Variants in CNTNAP5 observed in about 807,000 individuals in gnomAD.
The protein encoded by CNTNAP5 is contactin associated protein family member 5.
Under a neutral mutation model 150.2 loss-of-function variants are expected in CNTNAP5, and 72 were observed. The ratio of observed to expected loss-of-function variants is 0.48; its 90% CI spans 0.40 to 0.58. CNTNAP5 has a LOEUF of 0.58. CNTNAP5 is among the 20% of genes least tolerant of loss of function. CNTNAP5 has a pLI of 0.00. For missense variants in CNTNAP5, 1,636 were observed against 1,626.2 expected (o/e 1.01, Z -0.10); for synonymous variants, 672 against 619.8 (o/e 1.08, Z -1.25).
At chr2:124,163,036 G>GTAAC (rs376453269) in intron 1 of CNTNAP5, among the ~76,000 whole-genome samples, 10 of 152,234 alleles carry the variant, frequency 6.6e-5, no homozygotes, top group African/African-American at 2.4e-4. Context: ...AAAATATTAT[G>GTAAC]TAACTGGTAC....
intron 2 of CNTNAP5, 146 bp from the exon 3 acceptor site, chr2:124,242,054 A>T: frequency 1.6e-6 from 1 of 622,386 alleles, no homozygotes; most frequent in South Asian, 2.1e-5. Flanking sequence ...CCAGGGGGTT[A>T]AGTACAGAGG....
intron 13 of CNTNAP5, among the ~76,000 whole-genome samples, chr2:124,691,021 C>T (rs1234315279): frequency 2.0e-5 from 3 of 152,118 alleles, no homozygotes; most frequent in South Asian, 2.1e-4. Flanking sequence ...AAGCCTTCAG[C>T]GTGAAGGCCC....
chr2:124,218,801 T>C (rs1000782691), intron 1 of CNTNAP5, among the ~76,000 whole-genome samples: 6 of 152,290 alleles, frequency 3.9e-5, no homozygotes, highest in South Asian at 2.1e-4. Context: ...CCTGAGAGTC[T>C]GGACTGATAG....
chr2:124,465,471 C>A (rs898746521), intron 6 of CNTNAP5, among the ~76,000 whole-genome samples: 1 of 152,034 alleles, frequency 6.6e-6, no homozygotes, highest in Non-Finnish European at 1.5e-5. Flanking sequence ...AAGAAAGAGA[C>A]CGAATTGCCA....
chr2:124,687,365 G>T (rs770857139), intron 13 of CNTNAP5, among the ~76,000 whole-genome samples: 28 of 151,930 alleles, frequency 1.8e-4, no homozygotes, highest in Non-Finnish European at 3.5e-4. Context: ...ACTGTGGGTG[G>T]TGTTAACAGC....
At chr2:124,486,028 C>T (rs562136513) in intron 7 of CNTNAP5, among the ~76,000 whole-genome samples, 7 of 152,168 alleles carry the variant, frequency 4.6e-5, no homozygotes, top group African/African-American at 1.7e-4. Flanking sequence ...CAGCACAATG[C>T]ACAATTGAAA....
chr2:124,600,775 G>GAA (rs1226397282), intron 11 of CNTNAP5, among the ~76,000 whole-genome samples: 2 of 149,670 alleles, frequency 1.3e-5, no homozygotes, highest in Non-Finnish European at 3.0e-5. Flanking sequence ...GAGAAAGAGA[G>GAA]AGAAAGAGAG....
At chr2:124,138,242 C>T (rs2104612322) in intron 1 of CNTNAP5, among the ~76,000 whole-genome samples, 1 of 152,256 alleles carries the variant, frequency 6.6e-6, no homozygotes, top group East Asian at 1.9e-4. Flanking sequence ...TGTTTCTTGT[C>T]ACATGGCCTC....
At chr2:124,310,043 C>A (rs759911149) in intron 3 of CNTNAP5, among the ~76,000 whole-genome samples, 5 of 149,654 alleles carry the variant, frequency 3.3e-5, no homozygotes, top group Admixed American at 6.7e-5. Context: ...CTTCACGAGG[C>A]CTGAATCTCT....
intron 21 of CNTNAP5, among the ~76,000 whole-genome samples, chr2:124,881,656 G>C (rs1314489131): frequency 6.6e-6 from 1 of 152,074 alleles, no homozygotes; most frequent in African/African-American, 2.4e-5. Context: ...GGCCTTCACT[G>C]TGGCGATGTC....
Position 124,343,873 on chromosome 2 carries a change from C to A in CNTNAP5, c.382-73570C>A, listed in dbSNP as rs186350923. Among the ~76,000 whole-genome samples the A allele has an allele frequency of 5.4e-4, 82 of 152,254 alleles. No individual in the cohort carries two copies. In the East Asian group the frequency reaches 0.016, roughly 29 times the overall value. On this transcript the variant is annotated intron_variant, in intron 3 of 23. Transcript: ENST00000682447. ...AGCCCTGGCTTCTGGTGAAAGCTTT[C>A]CTGCTGCATCGTAACATGGTAGAGA...
intron 3 of CNTNAP5, 118 bp from the exon 4 acceptor site, chr2:124,417,325 T>G: frequency 1.0e-6 from 1 of 1,004,534 alleles, no homozygotes; most frequent in East Asian, 2.5e-5. Context: ...ATATTTCAAT[T>G]GAAATACGTG....
At chr2:124,660,943 C>CAAAAAAAAAAAAAAAAAAGAAAAA (rs1678574859) in intron 13 of CNTNAP5, among the ~76,000 whole-genome samples, 1 of 104,168 alleles carries the variant, frequency 9.6e-6, no homozygotes, top group Non-Finnish European at 1.9e-5. Flanking sequence ...GACTGGGTCT[C>CAAAAAAAAAAAAAAAAAAGAAAAA]AAAAAAAAAA....
chr2:124,222,728 G>GTTT (rs200668983), intron 2 of CNTNAP5, among the ~76,000 whole-genome samples: 7 of 139,128 alleles, frequency 5.0e-5, no homozygotes, highest in African/African-American at 1.8e-4. Flanking sequence ...TGGTCGTTGT[G>GTTT]TTTTTTTTTT....
rs1491371309 is a variant in CNTNAP5 at position 124,855,166 on chromosome 2, GCT to G, written c.3218-10139_3218-10138del. ...TAGAATTAGAAAGCCTTGGGCTTTT[GCT>G]TTTTTTTTTTTTTTTTTTTTTTTTT... On this transcript the variant is annotated intron_variant, in intron 19 of 23. Coordinates refer to ENST00000682447, the MANE Select transcript of CNTNAP5 (RefSeq NM_001367498.1). 5.2e-4 allele frequency among the ~76,000 whole-genome samples: 40 copies of G among 77,520 alleles called. 1 individual carries two copies. Among genetic ancestry groups the G allele is most frequent in the African/African-American group, 1.7e-3 (37 of 22,078 alleles). The allele number at this position is 77,520 out of a possible 152,430, so 50.9% of individuals were successfully genotyped here. A position where few individuals can be genotyped will look rare whatever the true frequency, so the allele number is the denominator to read the frequency against.
chr2:124,257,929 A>C (rs1024386782), intron 3 of CNTNAP5, among the ~76,000 whole-genome samples: 1 of 152,128 alleles, frequency 6.6e-6, no homozygotes, highest in African/African-American at 2.4e-5. Flanking sequence ...ATGTTCTCTA[A>C]AATTACTTTT....
intron 17 of CNTNAP5, among the ~76,000 whole-genome samples, chr2:124,782,025 A>G (rs531937619): frequency 6.6e-6 from 1 of 152,248 alleles, no homozygotes; most frequent in African/African-American, 2.4e-5. Flanking sequence ...GCAGTTATAT[A>G]TGTATATATG....
intron 11 of CNTNAP5, among the ~76,000 whole-genome samples, chr2:124,586,938 G>A (rs915350928): frequency 1.5e-4 from 23 of 152,282 alleles, no homozygotes; most frequent in African/African-American, 5.5e-4. Context: ...GGGAAAATAC[G>A]CAGAGCAAAG....
chr2:124,221,122 A>G (rs1311499249), intron 1 of CNTNAP5, among the ~76,000 whole-genome samples: 1 of 152,148 alleles, frequency 6.6e-6, no homozygotes, highest in Non-Finnish European at 1.5e-5. Flanking sequence ...CAGAATATAC[A>G]AGATCTAGGA....
Sources: allele counts gnomAD v4.1 joint callset (sites outside exome capture counted in the v4.1 genomes callset), GRCh38; gene constraint gnomAD v4.1.1; transcripts MANE v1.5; gene names NCBI Gene and HGNC (gene_info 2026-07-23, HGNC 2026-07-21).